The following TTC34 variants were observed in gnomAD, a reference collection of about 807,000 sequenced individuals.
TTC34 encodes the protein tetratricopeptide repeat protein 34.
TTC34 carries 44 observed loss-of-function variants against 40.7 expected under a neutral mutation model. That is an observed-to-expected ratio of 1.08 (90% CI 0.85 to 1.39). The LOEUF (loss-of-function observed/expected upper bound fraction) is 1.39. TTC34 is among the 40% of genes most tolerant of loss of function. The pLI is 0.00. For synonymous variants in TTC34, 422 were observed against 398.6 expected, an observed-to-expected ratio of 1.06 and a Z score of -0.70; for missense variants, 884 against 838.0, an observed-to-expected ratio of 1.05 and a Z score of -0.68.
chr1:2,753,408 A>C (rs1641393147), intron 6 of TTC34, among the ~76,000 whole-genome samples: 1 of 126,378 alleles, frequency 7.9e-6, no homozygotes, highest in Non-Finnish European at 1.6e-5. Flanking sequence ...ATGTAACAGC[A>C]CCCACACCCA....
chr1:2,647,657 C>G (rs1335094187), intron 6 of TTC34, among the ~76,000 whole-genome samples: 1 of 151,488 alleles, frequency 6.6e-6, no homozygotes, highest in Non-Finnish European at 1.5e-5. Context: ...TTTTTTCTTT[C>G]TTTTATTTTG....
At chr1:2,649,869 C>T (rs1304828701) in intron 6 of TTC34, among the ~76,000 whole-genome samples, 1 of 151,826 alleles carries the variant, frequency 6.6e-6, no homozygotes, top group African/African-American at 2.4e-5. Flanking sequence ...ATCTGACAGC[C>T]TGGAATGGCA....
chr1:2,691,333 C>CA (rs2100364417), intron 6 of TTC34, among the ~76,000 whole-genome samples: 1 of 89,802 alleles, frequency 1.1e-5, no homozygotes, highest in African/African-American at 4.0e-5. Context: ...CCTGGAGCAG[C>CA]ACCCACACCC....
At chr1:2,769,729 A>G (rs1408509340) in intron 6 of TTC34, among the ~76,000 whole-genome samples, 2 of 148,352 alleles carry the variant, frequency 1.3e-5, no homozygotes, top group African/African-American at 5.1e-5. Flanking sequence ...TGAGCATCTG[A>G]CAGCCTGGAG....
chr1:2,685,832 C>A lies in TTC34; in HGVS notation c.2227-40269G>T, dbSNP rs375705240. Among the ~76,000 whole-genome samples, 4 of 151,750 alleles carry A rather than the reference C, an allele frequency of 2.6e-5. 1 individual carries two copies. Among genetic ancestry groups the A allele is most frequent in the South Asian group, 2.1e-4 (1 of 4,814 alleles). On this transcript the variant is annotated intron_variant, in intron 6 of 8. Coordinates refer to ENST00000401095, the Ensembl canonical transcript of TTC34. The stretch of plus-strand genomic sequence containing the variant: ...GAGCATCTGACAGACTGGAACGGCA[C>A]CCCCATGCCCAGGTGAGCCTCTGAC...
Position 2,752,408 on chromosome 1 carries a change from C to T in TTC34, c.2226+31201G>A, listed in dbSNP as rs1263586540. Among the ~76,000 whole-genome samples the T allele has an allele frequency of 7.0e-5, 9 of 128,934 alleles. No individual in the cohort carries two copies. In the East Asian group the frequency reaches 7.3e-4, roughly 11 times the overall value. The allele number at this position is 128,934 out of a possible 152,430, so 84.6% of individuals were successfully genotyped here. On this transcript the variant is annotated intron_variant, in intron 6 of 8. Transcript: ENST00000401095. The stretch of plus-strand genomic sequence containing the variant: ...ATCTGAGAGCATGTAACAGCACCCA[C>T]ACACCCAGGTGAGCATCTGACAGCC...
At chr1:2,797,373 C>T (rs1643718605) in intron 2 of TTC34, among the ~76,000 whole-genome samples, 1 of 152,196 alleles carries the variant, frequency 6.6e-6, no homozygotes, top group Non-Finnish European at 1.5e-5. Flanking sequence ...CCAGGGAGGT[C>T]CTGTCTGCTC....
chr1:2,789,831 C>T, exon 3 of TTC34: 1 of 436,376 alleles, frequency 2.3e-6, no homozygotes, highest in Non-Finnish European at 4.0e-6. Context: ...TCCTCCATGG[C>T]GCGCCGCGAG....
chr1:2,700,031 T>C (rs28521907), intron 6 of TTC34, among the ~76,000 whole-genome samples: 8,168 of 71,722 alleles, frequency 0.11, 1,486 homozygotes, highest in African/African-American at 0.23. Flanking sequence ...GAGCATCTGA[T>C]AGCCTGGAGC....
At chr1:2,691,483 G>T (rs1275782793) in intron 6 of TTC34, among the ~76,000 whole-genome samples, 1 of 100,540 alleles carries the variant, frequency 9.9e-6, no homozygotes, top group Non-Finnish European at 2.2e-5. Context: ...GCATCTGATG[G>T]TCTGGAGCAG....
exon 3 of TTC34, chr1:2,789,608 C>A (rs1480993824): frequency 1.4e-6 from 2 of 1,390,662 alleles, no homozygotes; most frequent in Non-Finnish European, 1.9e-6. Context: ...GGCCTCCTCC[C>A]GCAGCACCAC....
At chr1:2,641,564 A>C (rs1375344896) in exon 9 of TTC34, 1 of 1,533,114 alleles carries the variant, frequency 6.5e-7, no homozygotes, top group Non-Finnish European at 8.7e-7. Context: ...CTGCCTGCAC[A>C]GGCTGTTCTG....
intron 6 of TTC34, among the ~76,000 whole-genome samples, chr1:2,759,634 C>G (rs1417322825): frequency 0.018 from 1,262 of 70,966 alleles, no homozygotes; most frequent in South Asian, 0.041. Context: ...GAACAGCACC[C>G]ACACCCCCAG....
intron 6 of TTC34, among the ~76,000 whole-genome samples, chr1:2,683,916 C>G (rs1402887946): frequency 1.4e-5 from 2 of 148,066 alleles, no homozygotes; most frequent in South Asian, 2.1e-4. Context: ...ACCCACACCT[C>G]CAGGTGAGCA....
intron 6 of TTC34, among the ~76,000 whole-genome samples, chr1:2,757,830 A>T (rs1307380253): frequency 6.8e-6 from 1 of 147,012 alleles, no homozygotes; most frequent in Admixed American, 6.7e-5. Context: ...CAGCACCCAC[A>T]CCCCCAGGTG....
intron 1 of TTC34, among the ~76,000 whole-genome samples, chr1:2,801,081 G>A (rs1383579630): frequency 6.6e-6 from 1 of 152,078 alleles, no homozygotes; most frequent in Admixed American, 6.5e-5. Context: ...TTCACCTCTG[G>A]GGCCTCAGTT....
At chr1:2,769,511 C>T (rs1244618488) in intron 6 of TTC34, among the ~76,000 whole-genome samples, 1 of 110,998 alleles carries the variant, frequency 9.0e-6, no homozygotes, top group Non-Finnish European at 1.8e-5. Context: ...CCCCACACCC[C>T]CAGTGAGCAT....
chr1:2,772,943 G>A (rs1405529363), intron 6 of TTC34, among the ~76,000 whole-genome samples: 3 of 140,292 alleles, frequency 2.1e-5, no homozygotes, highest in African/African-American at 7.8e-5. Context: ...CATACCCCCA[G>A]GCGAGCATCT....
At chr1:2,698,541 T>A (rs1640973691) in intron 6 of TTC34, among the ~76,000 whole-genome samples, 1 of 122,432 alleles carries the variant, frequency 8.2e-6, no homozygotes, top group Non-Finnish European at 1.7e-5. Flanking sequence ...CAGGTGAGCA[T>A]CGGGCAGCCT....
Sources: allele counts gnomAD v4.1 joint callset (sites outside exome capture counted in the v4.1 genomes callset), GRCh38; gene constraint gnomAD v4.1.1; transcripts MANE v1.5; gene names NCBI Gene and HGNC (gene_info 2026-07-23, HGNC 2026-07-21).